PUDP: variants seen among roughly 807,000 people sequenced by gnomAD.
PUDP encodes the protein pseudouridine-5'-phosphatase.
In PUDP, 8 loss-of-function variants were observed where a neutral mutation model predicts 9.4. The observed-to-expected ratio is 0.85, with a 90% CI of 0.50 to 1.53. The LOEUF is 1.53. Ranked by LOEUF, PUDP falls within the 40% of genes most tolerant of loss-of-function variation. The pLI is 0.00. For synonymous variants in PUDP, 99 were observed against 80.7 expected, an observed-to-expected ratio of 1.23 and a Z score of -1.22; for missense variants, 188 against 189.7, an observed-to-expected ratio of 0.99 and a Z score of 0.05.
At chrX:6,719,767 G>A (rs1261971861) in intron 1 of PUDP, among the ~76,000 whole-genome samples, 2 of 111,804 alleles carry the variant, frequency 1.8e-5, no homozygotes, top group African/African-American at 6.5e-5. Flanking sequence ...TTAGGTGCAC[G>A]CCCAATCCAC....
chrX:6,802,881 T>C (rs1460736699), intron 3 of PUDP, among the ~76,000 whole-genome samples: 2 of 93,807 alleles, frequency 2.1e-5, no homozygotes, highest in East Asian at 6.4e-4. Flanking sequence ...GCGAGACTTT[T>C]TGTCTCAAAA....
chrX:6,916,849 C>T (rs1281277500), intron 3 of PUDP, among the ~76,000 whole-genome samples: 5 of 112,248 alleles, frequency 4.5e-5, no homozygotes, highest in African/African-American at 1.6e-4. Flanking sequence ...TAATGGTCAG[C>T]ATTAATGTTA....
At chrX:6,898,273 T>C (rs1044335304) in intron 3 of PUDP, among the ~76,000 whole-genome samples, 1 of 112,970 alleles carries the variant, frequency 8.9e-6, no homozygotes, top group African/African-American at 3.2e-5. Flanking sequence ...GCTGCATAAA[T>C]GCAGAAATAA....
chrX:6,836,074 T>C (rs1307854612), intron 3 of PUDP, among the ~76,000 whole-genome samples: 1 of 111,245 alleles, frequency 9.0e-6, no homozygotes, highest in African/African-American at 3.2e-5. Context: ...TTATATTATA[T>C]TACCTGCACT....
Position 6,853,241 on chromosome X carries a change from T to C in PUDP, c.*247+123892A>G, listed in dbSNP as rs760996038. 4.5e-5 allele frequency among the ~76,000 whole-genome samples: 5 copies of C among 111,333 alleles called. No homozygotes were observed. In the East Asian group the frequency reaches 1.4e-3, roughly 32 times the overall value. ...AGGCTGTTCTTTTGTTTGAAAGAACTCAACAGAAGACCCACCTTAACTGCC... is the reference window on the plus strand; with the variant it reads ...AGGCTGTTCTTTTGTTTGAAAGAACCCAACAGAAGACCCACCTTAACTGCC... On this transcript the variant is annotated intron_variant and NMD_transcript_variant, in intron 3 of 3. Transcript: ENST00000655425.
intron 3 of PUDP, among the ~76,000 whole-genome samples, chrX:6,792,032 G>C (rs1358229709): frequency 8.9e-6 from 1 of 111,747 alleles, no homozygotes; most frequent in Non-Finnish European, 1.9e-5. Flanking sequence ...CCAGTGTTGT[G>C]CACAGAGGTC....
At chrX:6,738,091 C>G (rs1478906704) in intron 3 of PUDP, among the ~76,000 whole-genome samples, 1 of 111,427 alleles carries the variant, frequency 9.0e-6, no homozygotes, top group Non-Finnish European at 1.9e-5. Context: ...TTGGACAATG[C>G]TAGCAGATGC....
intron 3 of PUDP, among the ~76,000 whole-genome samples, chrX:6,840,468 A>G (rs1173982876): frequency 8.9e-6 from 1 of 112,337 alleles, no homozygotes; most frequent in African/African-American, 3.2e-5. Flanking sequence ...ACTTAAATAC[A>G]TATTACTAAA....
intron 3 of PUDP, among the ~76,000 whole-genome samples, chrX:6,876,984 T>C (rs1927274106): frequency 1.9e-5 from 2 of 104,675 alleles, no homozygotes; most frequent in Admixed American, 2.1e-4. Flanking sequence ...CACATAACAC[T>C]TTAGATGCAG....
chrX:6,768,168 G>A (rs781761573), intron 3 of PUDP, among the ~76,000 whole-genome samples: 55 of 111,993 alleles, frequency 4.9e-4, no homozygotes, highest in African/African-American at 1.8e-3. Context: ...TTCTCCCTGG[G>A]GACATCTGGC....
At chrX:7,123,075 T>C (rs1932387478) in intron 1 of PUDP, among the ~76,000 whole-genome samples, 1 of 112,236 alleles carries the variant, frequency 8.9e-6, no homozygotes, top group Admixed American at 9.5e-5. Flanking sequence ...CTAAGTTACC[T>C]TAAAATGAGA....
At chrX:6,818,663 C>T (rs145657435) in intron 3 of PUDP, among the ~76,000 whole-genome samples, 33 of 112,019 alleles carry the variant, frequency 2.9e-4, no homozygotes, top group African/African-American at 1.0e-3. Flanking sequence ...ATAGTGAATG[C>T]ATCTTGGGAA....
intron 3 of PUDP, among the ~76,000 whole-genome samples, chrX:6,755,795 G>A (rs1020921902): frequency 3.6e-5 from 4 of 110,212 alleles, no homozygotes; most frequent in Non-Finnish European, 5.7e-5. Flanking sequence ...TTTGTGCACC[G>A]AATATCTGGG....
At chrX:7,096,897 C>T (rs1251150222) in intron 2 of PUDP, among the ~76,000 whole-genome samples, 1 of 110,719 alleles carries the variant, frequency 9.0e-6, no homozygotes, top group Non-Finnish European at 1.9e-5. Context: ...GATATTCTCC[C>T]TACTTAAGAT....
chrX:7,118,856 G>A (rs1442118036), intron 1 of PUDP, among the ~76,000 whole-genome samples: 1 of 112,082 alleles, frequency 8.9e-6, no homozygotes, highest in African/African-American at 3.2e-5. Context: ...AATGTTGACT[G>A]GGTACCTACT....
intron 3 of PUDP, among the ~76,000 whole-genome samples, chrX:7,051,486 T>A (rs1163424324): frequency 9.0e-6 from 1 of 110,972 alleles, no homozygotes; most frequent in African/African-American, 3.3e-5. Flanking sequence ...AAAGAACTTA[T>A]CCATGTAACC....
At chrX:6,841,196 G>T (rs1344139601) in intron 3 of PUDP, among the ~76,000 whole-genome samples, 1 of 108,807 alleles carries the variant, frequency 9.2e-6, no homozygotes, top group Non-Finnish European at 1.9e-5. Flanking sequence ...AGAATTGCTT[G>T]AACCCAGGAG....
At chrX:7,129,612 G>A (rs1355139434) in intron 1 of PUDP, among the ~76,000 whole-genome samples, 1 of 112,400 alleles carries the variant, frequency 8.9e-6, no homozygotes, top group African/African-American at 3.2e-5. Flanking sequence ...GAAGGCAAGA[G>A]GAATGGGATG....
At chrX:7,081,600 T>G (rs768760594) in intron 2 of PUDP, among the ~76,000 whole-genome samples, 5 of 112,671 alleles carry the variant, frequency 4.4e-5, no homozygotes, top group Non-Finnish European at 9.4e-5. Context: ...AAAAACGGTT[T>G]TGGACGACTG....
Sources: allele counts gnomAD v4.1 joint callset (sites outside exome capture counted in the v4.1 genomes callset), GRCh38; gene constraint gnomAD v4.1.1; transcripts MANE v1.5; gene names NCBI Gene and HGNC (gene_info 2026-07-23, HGNC 2026-07-21).